Variants in UTP14C observed in about 807,000 individuals in gnomAD.
The protein encoded by UTP14C is UTP14C small subunit processome component, also known as U3 small nucleolar RNA-associated protein 14 homolog C.
In UTP14C, 10 loss-of-function variants were observed where a neutral mutation model predicts 14.6. The ratio of observed to expected loss-of-function variants is 0.68; its 90% confidence interval spans 0.42 to 1.16. UTP14C has a LOEUF of 1.16. Among genes scored for constraint, UTP14C ranks in the 50% most tolerant of loss-of-function variants. The pLI, the probability that UTP14C is intolerant of heterozygous loss-of-function variation, is 0.00. For missense variants in UTP14C, 818 were observed against 890.8 expected (o/e 0.92, Z 1.04); for synonymous variants, 315 against 331.6 (o/e 0.95, Z 0.54).
rs1205142529 is a variant in UTP14C, at chr13:52,030,394, G to T, written c.1590G>T (p.Val530=). The T allele has an allele frequency of 6.2e-7, 1 of 1,614,218 alleles. No homozygotes were observed. Among genetic ancestry groups the T allele is most frequent in the Admixed American group, 1.7e-5 (1 of 60,032 alleles). Residue 530 remains valine, a synonymous_variant, in exon 2 of 2, where the codon GTG becomes GTT. Transcript: ENST00000521776. ...CFQNKELPRP[V]LEGQQSERTP... ...AAAATAAGGAGCTTCCCAGACCTGT[G>T]TTAGAAGGACAGCAGTCAGAGAGGA...
intron 1 of UTP14C, among the ~76,000 whole-genome samples, chr13:52,026,172 C>T (rs932084596): frequency 2.0e-5 from 3 of 152,174 alleles, no homozygotes; most frequent in African/African-American, 7.2e-5. Flanking sequence ...CAGACTTGTG[C>T]GGGCAGGGAA....
At position 52,029,254 on chromosome 13, in the gene UTP14C, C is replaced by T; in HGVS notation, c.450C>T (p.Asn150=). The part of the protein sequence containing the change: ...LSKWDPIILK[N]QQAEQLVFPL... ...AATGGGACCCTATCATCCTGAAGAA[C>T]CAGCAGGCAGAGCAGCTGGTTTTTC... Residue 150 remains asparagine (N), a synonymous_variant, in exon 2 of 2, where the codon AAC becomes AAT. Transcript: ENST00000521776. The T allele has an allele frequency of 6.2e-7, 1 of 1,614,192 alleles. No individual in the cohort carries two copies. Among genetic ancestry groups the T allele is most frequent in the Non-Finnish European group, 8.5e-7 (1 of 1,180,032 alleles).
At position 52,029,165 on chromosome 13, in the gene UTP14C, A is replaced by G. The variant is rs1954271598; in HGVS notation, c.361A>G (p.Lys121Glu). ...GAAGGTGGTGGAGTTACCTCTTAAC[A>G]AAGAAAAAATTGAACAGATCCACAG... ...SKKVVELPLN[K>E]EKIEQIHREV... The change falls in exon 2 of 2, where the codon AAA (lysine) becomes GAA (glutamate). Residue 121 changes from lysine to glutamate, a missense_variant. Physicochemically the swap from Lys to Glu is moderately conservative, Grantham distance 56. Coordinates refer to ENST00000521776, the MANE Select transcript of UTP14C (RefSeq NM_021645.6). The G allele has an allele frequency of 1.2e-6, 2 of 1,614,242 alleles. No individual in the cohort carries two copies. The highest frequency in any genetic ancestry group is 1.7e-6 in the Non-Finnish European group (2 of 1,180,050).
At position 52,028,385 on chromosome 13, in the gene UTP14C, A is replaced by T. The variant is rs1325893457; in HGVS notation, c.-420A>T. The T allele has an allele frequency of 1.2e-6, 2 of 1,614,182 alleles. No individual in the cohort carries two copies. The highest frequency in any genetic ancestry group is 1.1e-5 in the South Asian group (1 of 91,088). ...CACAATTCGGGGGGCCCAAAGCTTG[A>T]CATTGTGGTTCCTCACGAAGGAGAT... On this transcript the variant is annotated 5_prime_UTR_variant, in exon 2 of 2. Transcript: ENST00000521776.
At chr13:52,027,433 T>C (rs1444222696) in intron 1 of UTP14C, among the ~76,000 whole-genome samples, 1 of 152,214 alleles carries the variant, frequency 6.6e-6, no homozygotes, top group Non-Finnish European at 1.5e-5. Context: ...TATGAGCTAC[T>C]GAATTCTGTT....
In UTP14C at chr13:52,030,511, C is replaced by G. The variant is rs149649022; in HGVS notation, c.1707C>G (p.Ser569=). The G allele has an allele frequency of 3.5e-4, 561 of 1,614,180 alleles. 1 individual carries two copies. The African/African-American group carries it at 6.4e-3, about 18-fold the overall frequency. The part of the protein sequence containing the change: ...LQNFLTTQSP[S]VRSLAVPTII... Reference sequence around the variant, plus strand: ...ACTTCCTGACCACACAGTCTCCTTCCGTGAGGTCTTTGGCAGTTCCCACAA... The same window carrying G: ...ACTTCCTGACCACACAGTCTCCTTCGGTGAGGTCTTTGGCAGTTCCCACAA... The change falls in exon 2 of 2, where the codon TCC becomes TCG. Residue 569 remains serine, a synonymous_variant. Transcript: ENST00000521776.
Position 52,029,433 on chromosome 13 carries a change from C to T in UTP14C, c.629C>T (p.Ser210Phe), listed in dbSNP as rs1486060592. The change falls in exon 2 of 2, where the codon TCT becomes TTT. Residue 210 changes from serine to phenylalanine, a missense_variant. Coordinates refer to ENST00000521776, the MANE Select transcript of UTP14C (RefSeq NM_021645.6). ...TTACTGACTCCCATGGAAAAGGCCT[C>T]TCTCCAAGCCATGAGCCTGGAAGAG... ...DPLLTPMEKASLQAMSLEEAK... is the reference protein window; with the variant it reads ...DPLLTPMEKAFLQAMSLEEAK... The T allele has an allele frequency of 6.2e-7, 1 of 1,614,064 alleles. No individual in the cohort carries two copies. Among genetic ancestry groups the T allele is most frequent in the Non-Finnish European group, 8.5e-7 (1 of 1,180,056 alleles).
Position 52,029,929 on chromosome 13 carries a change from C to G in UTP14C, c.1125C>G (p.Phe375Leu). 1.9e-6 allele frequency: 3 copies of G among 1,614,166 alleles called. No homozygotes were observed. Among genetic ancestry groups the G allele is most frequent in the Non-Finnish European group, 2.5e-6 (3 of 1,180,030 alleles). The change falls in exon 2 of 2, where the codon TTC becomes TTG. Residue 375 changes from phenylalanine (F) to leucine (L), a missense_variant. Coordinates refer to ENST00000521776, the MANE Select transcript of UTP14C (RefSeq NM_021645.6). Reference protein sequence around the residue: ...MNVDGPNPWMFRSCTSDTKEA... With the variant: ...MNVDGPNPWMLRSCTSDTKEA... ...TGGACGGACCGAATCCCTGGATGTT[C>G]AGGAGCTGCACCAGTGACACCAAAG...
At position 52,030,355 on chromosome 13, in the gene UTP14C, A is replaced by G; in HGVS notation, c.1551A>G (p.Lys517=). The G allele has an allele frequency of 6.2e-7, 1 of 1,614,186 alleles. No individual in the cohort carries two copies. ...TGGAAGAGCTAGAAGAGCTGGGAAA[A>G]GAAGATTGTTTTCAAAATAAGGAGC... is the stretch of plus-strand genomic sequence containing the variant. ...QTLEELEELG[K]EDCFQNKELP... Residue 517 remains lysine (K), a synonymous_variant, in exon 2 of 2, where the codon AAA becomes AAG. Transcript: ENST00000521776.
At chr13:52,026,548 A>G (rs1954242310) in intron 1 of UTP14C, among the ~76,000 whole-genome samples, 1 of 152,152 alleles carries the variant, frequency 6.6e-6, no homozygotes, top group Non-Finnish European at 1.5e-5. Context: ...TCGTAGGTGA[A>G]CATGCTTGAG....
rs896429861 is a variant in UTP14C, at chr13:52,032,488, T to A, written c.*1383T>A. 3 of 167,100 alleles carry A rather than the reference T, an allele frequency of 1.8e-5. 1 individual carries two copies. In the Admixed American group the frequency reaches 2.0e-4, roughly 11 times the overall value. 10.4% of individuals were successfully genotyped at this position (167,100 alleles called of 1,614,324 possible). ...TGCATATATAATCAATCCTTTCTAG[T>A]TCAGTGAATTGACCCCATCCACAGG... On this transcript the variant is annotated 3_prime_UTR_variant, in exon 2 of 2. Coordinates refer to ENST00000521776, the MANE Select transcript of UTP14C (RefSeq NM_021645.6).
rs1954297123 is a variant in UTP14C, at chr13:52,030,905, C to T, written c.2101C>T (p.Pro701Ser). ...HRQFERTIQT[P>S]IGSTWNTQRA... ...GCAATTTGAAAGGACCATCCAGACC[C>T]CTATAGGATCCACATGGAACACCCA... The change falls in exon 2 of 2, where the codon CCT becomes TCT. Residue 701 changes from proline to serine, a missense_variant. By Grantham distance (74) the Pro-to-Ser change is moderately conservative. Transcript: ENST00000521776. 1 of 1,614,208 alleles carries T rather than the reference C, an allele frequency of 6.2e-7. No homozygotes were observed. Among genetic ancestry groups the T allele is most frequent in the Non-Finnish European group, 8.5e-7 (1 of 1,180,042 alleles).
At position 52,032,604 on chromosome 13, in the gene UTP14C, C is replaced by G. The variant is rs1019725978; in HGVS notation, c.*1499C>G. On this transcript the variant is annotated 3_prime_UTR_variant, in exon 2 of 2. Coordinates refer to ENST00000521776, the MANE Select transcript of UTP14C (RefSeq NM_021645.6). ...TCATTCATCAATGTGGCCAGCTTAT[C>G]TACTCCCAATTATGTTGTTGATACA... 10 of 167,080 alleles carry G rather than the reference C, an allele frequency of 6.0e-5. No individual in the cohort carries two copies. Among genetic ancestry groups the G allele is most frequent in the Admixed American group, 4.6e-4 (7 of 15,288 alleles). The allele number at this position is 167,080 out of a possible 1,614,324, so 10.3% of individuals were successfully genotyped here.
In UTP14C at chr13:52,030,031, AAGAC is replaced by A. The variant is rs780302770; in HGVS notation, c.1228_1231del (p.Arg410GlnfsTer9). The A allele has an allele frequency of 5.0e-5, 81 of 1,614,134 alleles. No homozygotes were observed. The highest frequency in any genetic ancestry group is 6.7e-5 in the Non-Finnish European group (79 of 1,180,050). On this transcript the variant is annotated frameshift_variant, in exon 2 of 2. Transcript: ENST00000521776. LOFTEE classifies it low-confidence loss of function (END_TRUNC). Reference sequence around the variant, plus strand: ...AGGTTTCTGCAAGTGAGGCAGAAGAAAGACCAGTGGCAGAGGAAGAAATTTTGTT... The same window carrying A: ...AGGTTTCTGCAAGTGAGGCAGAAGAACAGTGGCAGAGGAAGAAATTTTGTT...
chr13:52,027,850 T>TA (rs1303186097), intron 1 of UTP14C, among the ~76,000 whole-genome samples: 8 of 152,374 alleles, frequency 5.3e-5, no homozygotes, highest in African/African-American at 1.9e-4. Flanking sequence ...GTTTTTCTAA[T>TA]ACCTGTTAAT....
Position 52,029,380 on chromosome 13 carries a change from T to A in UTP14C, c.576T>A (p.His192Gln). ...AGCAGGAAATTTTTAACCTCCTCCA[T>A]AAGAACAAGCAGCCAGTGACAGATC... ...PLEQEIFNLL[H>Q]KNKQPVTDPL... The change falls in exon 2 of 2, where the codon CAT becomes CAA. Residue 192 changes from histidine to glutamine, a missense_variant. By Grantham distance (24) the His-to-Gln change is conservative. Transcript: ENST00000521776. 1 of 1,613,962 alleles carries A rather than the reference T, an allele frequency of 6.2e-7. No individual in the cohort carries two copies. Among genetic ancestry groups the A allele is most frequent in the Non-Finnish European group, 8.5e-7 (1 of 1,180,004 alleles).
chr13:52,030,958 C>T lies in UTP14C; in HGVS notation c.2154C>T (p.Pro718=), dbSNP rs1267886655. ...TQRAFQKLTT[P]KVVTKPGHII... ...GGGCTTTCCAAAAGCTGACTACTCC[C>T]AAGGTCGTCACCAAGCCAGGCCATA... Residue 718 remains proline (P), a synonymous_variant, in exon 2 of 2, where the codon CCC becomes CCT. Coordinates refer to ENST00000521776, the MANE Select transcript of UTP14C (RefSeq NM_021645.6). 1.1e-5 allele frequency: 17 copies of T among 1,614,060 alleles called. No homozygotes were observed. Among genetic ancestry groups the T allele is most frequent in the Non-Finnish European group, 1.4e-5 (16 of 1,180,034 alleles).
rs1954318493 is a variant in UTP14C at position 52,032,826 on chromosome 13, TCTA to T, written c.*1722_*1724del. 1 of 167,064 alleles carries T rather than the reference TCTA, an allele frequency of 6.0e-6. No homozygotes were observed. The highest frequency in any genetic ancestry group is 1.5e-5 in the Non-Finnish European group (1 of 68,102). The allele number at this position is 167,064 out of a possible 1,614,324, so 10.3% of individuals were successfully genotyped here. ...GCTTTACAGACAAGAACAATTTAAATCTAAAGAATTTAGTAGATTCCTTCAGTG... is the reference window on the plus strand; with the variant it reads ...GCTTTACAGACAAGAACAATTTAAATAAGAATTTAGTAGATTCCTTCAGTG... On this transcript the variant is annotated 3_prime_UTR_variant, in exon 2 of 2. Coordinates refer to ENST00000521776, the MANE Select transcript of UTP14C (RefSeq NM_021645.6).
At chr13:52,027,627 A>G (rs1292291725) in intron 1 of UTP14C, among the ~76,000 whole-genome samples, 1 of 152,180 alleles carries the variant, frequency 6.6e-6, no homozygotes, top group African/African-American at 2.4e-5. Context: ...AGTAATTTAT[A>G]TTTCATGTGT....
Sources: allele counts gnomAD v4.1 joint callset (sites outside exome capture counted in the v4.1 genomes callset), GRCh38; gene constraint gnomAD v4.1.1; transcripts MANE v1.5; gene names NCBI Gene and HGNC (gene_info 2026-07-23, HGNC 2026-07-21).